PTPRD: variants seen among roughly 807,000 people sequenced by gnomAD.
PTPRD encodes protein tyrosine phosphatase receptor type D.
PTPRD carries 34 observed loss-of-function variants against 214.5 expected under a neutral mutation model. The ratio of observed to expected loss-of-function variants is 0.16; its 90% CI spans 0.12 to 0.21. The LOEUF is 0.21. Ranked by LOEUF, PTPRD falls within the 10% of genes least tolerant of loss-of-function variation. PTPRD has a pLI of 1.00. For missense variants in PTPRD, 2,545 were observed against 2,398.7 expected (o/e 1.06, Z -1.27); for synonymous variants, 1,128 against 845.7 (o/e 1.33, Z -5.79).
chr9:9,963,784 T>C (rs1249260271), intron 4 of PTPRD, among the ~76,000 whole-genome samples: 2 of 152,184 alleles, frequency 1.3e-5, no homozygotes, highest in Non-Finnish European at 2.9e-5. Flanking sequence ...TTCAATTTAG[T>C]TCCTGAAGGG....
At chr9:9,793,343 A>C (rs1393043629) in intron 5 of PTPRD, among the ~76,000 whole-genome samples, 1 of 152,104 alleles carries the variant, frequency 6.6e-6, no homozygotes, top group East Asian at 1.9e-4. Flanking sequence ...CGAAGACATA[A>C]TCTTTTTTCA....
At chr9:8,571,428 G>T (rs762459391) in intron 14 of PTPRD, among the ~76,000 whole-genome samples, 1 of 152,204 alleles carries the variant, frequency 6.6e-6, no homozygotes, top group South Asian at 2.1e-4. Context: ...ACCAGTAACT[G>T]AGAATTCTAA....
At chr9:8,467,598 T>C (rs571507118) in intron 31 of PTPRD, among the ~76,000 whole-genome samples, 212 of 151,934 alleles carry the variant, frequency 1.4e-3, no homozygotes, top group Non-Finnish European at 2.3e-3. Context: ...TGTTAGAGAT[T>C]TTTTCAACTA....
chr9:9,550,139 G>C (rs1280687870), intron 8 of PTPRD, among the ~76,000 whole-genome samples: 1 of 151,762 alleles, frequency 6.6e-6, no homozygotes. Flanking sequence ...ATCAGTTGAA[G>C]GCCTTAAGAG....
intron 3 of PTPRD, among the ~76,000 whole-genome samples, chr9:10,170,341 G>T (rs1360537535): frequency 6.6e-6 from 1 of 151,986 alleles, no homozygotes; most frequent in African/African-American, 2.4e-5. Flanking sequence ...TTATATTAGA[G>T]GACTCTCAAA....
chr9:8,714,059 G>C (rs192914772), intron 12 of PTPRD, among the ~76,000 whole-genome samples: 2 of 152,078 alleles, frequency 1.3e-5, no homozygotes, highest in Admixed American at 6.6e-5. Context: ...TTTACTATTG[G>C]CCATAATAAT....
At chr9:9,946,438 A>C (rs774941311) in intron 4 of PTPRD, among the ~76,000 whole-genome samples, 1 of 152,150 alleles carries the variant, frequency 6.6e-6, no homozygotes, top group Non-Finnish European at 1.5e-5. Flanking sequence ...TTAATTAAAA[A>C]ATAAACTCCC....
intron 7 of PTPRD, among the ~76,000 whole-genome samples, chr9:9,588,777 T>G (rs549296526): frequency 2.0e-5 from 3 of 152,088 alleles, no homozygotes; most frequent in South Asian, 2.1e-4. Flanking sequence ...TTCTAAATAT[T>G]TTACTCATCA....
chr9:10,495,403 G>A (rs2041764458), intron 2 of PTPRD, among the ~76,000 whole-genome samples: 1 of 151,750 alleles, frequency 6.6e-6, no homozygotes, highest in Non-Finnish European at 1.5e-5. Flanking sequence ...AGAGGAATCT[G>A]GGCTTCCAGA....
At chr9:9,765,848 G>C (rs2098702701) in intron 6 of PTPRD, among the ~76,000 whole-genome samples, 1 of 151,960 alleles carries the variant, frequency 6.6e-6, no homozygotes. Flanking sequence ...ATTTTTAGTA[G>C]AGACGGGGTT....
intron 5 of PTPRD, among the ~76,000 whole-genome samples, chr9:9,825,549 T>C (rs2052520227): frequency 6.6e-6 from 1 of 152,020 alleles, no homozygotes; most frequent in Non-Finnish European, 1.5e-5. Flanking sequence ...CTGTAGTCTC[T>C]GACTTTTAAC....
At chr9:10,491,164 C>G (rs530322781) in intron 2 of PTPRD, among the ~76,000 whole-genome samples, 1 of 152,082 alleles carries the variant, frequency 6.6e-6, no homozygotes, top group African/African-American at 2.4e-5. Context: ...TAAATGAATA[C>G]ATGAATATGA....
At chr9:9,040,694 T>C (rs919766744) in intron 10 of PTPRD, among the ~76,000 whole-genome samples, 1 of 152,192 alleles carries the variant, frequency 6.6e-6, no homozygotes, top group African/African-American at 2.4e-5. Flanking sequence ...TGGAAGGTTA[T>C]CTATAACATG....
intron 7 of PTPRD, among the ~76,000 whole-genome samples, chr9:9,698,748 T>G (rs759036368): frequency 1.8e-4 from 28 of 152,288 alleles, no homozygotes; most frequent in Middle Eastern, 6.8e-3. Context: ...CAATTTGATC[T>G]CACTCTTGTA....
intron 5 of PTPRD, among the ~76,000 whole-genome samples, chr9:9,778,049 G>A (rs1460650684): frequency 1.3e-5 from 2 of 152,216 alleles, no homozygotes; most frequent in East Asian, 1.9e-4. Context: ...CAAGATGGCT[G>A]AAGAGACGCA....
At chr9:9,688,410 C>A (rs1200543936) in intron 7 of PTPRD, among the ~76,000 whole-genome samples, 1 of 151,806 alleles carries the variant, frequency 6.6e-6, no homozygotes, top group Admixed American at 6.6e-5. Flanking sequence ...TTCCTTTGGA[C>A]CTTGCAGGAT....
intron 14 of PTPRD, among the ~76,000 whole-genome samples, chr9:8,558,660 C>T (rs1341426177): frequency 6.6e-6 from 1 of 152,156 alleles, no homozygotes; most frequent in East Asian, 1.9e-4. Context: ...GGCTATTGTA[C>T]AAACCGTTAT....
chr9:9,638,308 G>A (rs1422973367), intron 7 of PTPRD, among the ~76,000 whole-genome samples: 1 of 152,172 alleles, frequency 6.6e-6, no homozygotes, highest in Non-Finnish European at 1.5e-5. Context: ...GAACGCTGCT[G>A]CTAGAGACTT....
chr9:8,529,210 A>G (rs532718985), intron 14 of PTPRD, among the ~76,000 whole-genome samples: 2 of 152,168 alleles, frequency 1.3e-5, no homozygotes, highest in Non-Finnish European at 2.9e-5. Flanking sequence ...TTGAGGTAGG[A>G]AAGGTTTTGC....
Sources: gnomAD v4.1 joint callset for allele counts (sites outside exome capture counted in the v4.1 genomes callset) on GRCh38, gnomAD v4.1.1 for gene constraint, MANE v1.5 for transcripts, NCBI Gene and HGNC (gene_info 2026-07-23, HGNC 2026-07-21) for gene names.